The following PITPNM2 variants were observed in gnomAD, a reference collection of about 807,000 sequenced individuals.
PITPNM2 encodes the protein membrane-associated phosphatidylinositol transfer protein 2.
Under a neutral mutation model 132.2 loss-of-function variants are expected in PITPNM2, and 35 were observed. That is an observed-to-expected ratio of 0.26 (90% CI 0.20 to 0.35). The LOEUF (loss-of-function observed/expected upper bound fraction) is 0.35, where lower values mean the gene tolerates loss of function less well. PITPNM2 is among the 10% of genes least tolerant of loss of function. The pLI, the probability that PITPNM2 is intolerant of heterozygous loss-of-function variation, is 1.00. For missense variants in PITPNM2, 1,332 were observed against 1,912.0 expected, an observed-to-expected ratio of 0.70 and a Z score of 5.66; for synonymous variants, 738 against 799.2, an observed-to-expected ratio of 0.92 and a Z score of 1.29.
In PITPNM2 at chr12:122,995,447, T is replaced by C. The variant is rs755361804; in HGVS notation, c.1996A>G (p.Ser666Gly). ...TCCAGCTCGTAGGTGGATGAGTCGC[T>C]CCTCTTGCGGGGCAGTTGCCTTTTG... is the stretch of plus-strand genomic sequence containing the variant. The part of the protein sequence containing the change: ...DPKRQLPRKR[S>G]DSSTYELDTI... The change falls in exon 14 of 26, where the codon AGC becomes GGC. Residue 666 changes from serine to glycine, a missense_variant. Ser to Gly is a moderately conservative substitution (Grantham distance 56, BLOSUM62 0). Coordinates refer to ENST00000320201, the MANE Select transcript of PITPNM2 (RefSeq NM_020845.3). 1 of 1,613,830 alleles carries C rather than the reference T, an allele frequency of 6.2e-7. No individual in the cohort carries two copies. Among genetic ancestry groups the C allele is most frequent in the South Asian group, 1.1e-5 (1 of 91,056 alleles).
intron 1 of PITPNM2, among the ~76,000 whole-genome samples, chr12:123,130,090 A>T (rs2043230162): frequency 6.6e-6 from 1 of 152,070 alleles, no homozygotes; most frequent in Admixed American, 6.6e-5. Flanking sequence ...TTTTCTGCAG[A>T]GATGGGGTCT....
Position 122,992,159 on chromosome 12 carries a change from C to T in PITPNM2, c.2404+340G>A, listed in dbSNP as rs2038218593. Among the ~76,000 whole-genome samples the T allele has an allele frequency of 6.6e-6, 1 of 152,198 alleles. No homozygotes were observed. Among genetic ancestry groups the T allele is most frequent in the Non-Finnish European group, 1.5e-5 (1 of 68,024 alleles). On this transcript the variant is annotated intron_variant, in intron 16 of 25. Coordinates refer to ENST00000320201, the MANE Select transcript of PITPNM2 (RefSeq NM_020845.3). This position sits in a 1 kb window ranked among gnomAD's most constrained non-coding sequence, Gnocchi z 6.5. Reference sequence around the variant, plus strand: ...GCCCCCTACTAAGTGAGGGTCCCTGCTGGGTCCTTAGCTCTGTCTCTGTTG... The same window carrying T: ...GCCCCCTACTAAGTGAGGGTCCCTGTTGGGTCCTTAGCTCTGTCTCTGTTG...
intron 2 of PITPNM2, among the ~76,000 whole-genome samples, chr12:123,068,346 G>A (rs566330525): frequency 1.5e-4 from 23 of 152,150 alleles, no homozygotes; most frequent in African/African-American, 4.8e-4. Context: ...TACTTGGGAG[G>A]CTGAGGCAGG....
chr12:123,134,208 C>T (rs897852675), intron 1 of PITPNM2, among the ~76,000 whole-genome samples: 3 of 152,106 alleles, frequency 2.0e-5, no homozygotes, highest in South Asian at 2.1e-4. Flanking sequence ...GGACTACAGA[C>T]GCGTGCCACC....
chr12:122,997,507 G>A lies in PITPNM2; in HGVS notation c.1290C>T (p.His430=), dbSNP rs143865800. 2.2e-3 allele frequency: 3,481 copies of A among 1,613,402 alleles called. 31 individuals carry two copies. Among genetic ancestry groups the A allele is most frequent in the Middle Eastern group, 0.017 (102 of 6,062 alleles). Residue 430 remains histidine (H), a synonymous_variant, in exon 11 of 26, where the codon CAC becomes CAT. Coordinates refer to ENST00000320201, the MANE Select transcript of PITPNM2 (RefSeq NM_020845.3). The part of the protein sequence containing the change: ...SKIHVLLLVL[H]GGTILDTGAG... Reference sequence around the variant, plus strand: ...CGCCTGTGTCCAGGATGGTGCCTCCGTGCAGCACCAGTAGCAGCACGTGGA... The same window carrying A: ...CGCCTGTGTCCAGGATGGTGCCTCCATGCAGCACCAGTAGCAGCACGTGGA...
intron 3 of PITPNM2, among the ~76,000 whole-genome samples, chr12:123,024,806 T>C (rs2039795045): frequency 6.6e-6 from 1 of 152,142 alleles, no homozygotes; most frequent in South Asian, 2.1e-4. Context: ...AATAGAAATG[T>C]TCTAAAATTG....
chr12:123,110,882 A>G (rs960619097), intron 1 of PITPNM2, among the ~76,000 whole-genome samples: 1 of 152,190 alleles, frequency 6.6e-6, no homozygotes, highest in Admixed American at 6.5e-5. Context: ...GAGGCTGGAA[A>G]ATGAGGTAAT....
Position 122,984,975 on chromosome 12 carries a change from A to C in PITPNM2, c.*1052T>G, listed in dbSNP as rs953259895. The C allele has an allele frequency of 3.3e-5, 5 of 152,262 alleles. No individual in the cohort carries two copies. The highest frequency in any genetic ancestry group is 5.9e-5 in the Non-Finnish European group (4 of 68,016). 9.4% of individuals were successfully genotyped at this position (152,262 alleles called of 1,614,324 possible). ...TTCTTAGATTCGGCATGAAAACGGA[A>C]TTGGCATTAAAAAAACCGAAGTGTG... is the stretch of plus-strand genomic sequence containing the variant. On this transcript the variant is annotated 3_prime_UTR_variant, in exon 26 of 26. Transcript: ENST00000320201.
At position 123,111,158 on chromosome 12, in the gene PITPNM2, C is replaced by A. The variant is rs1490765830; in HGVS notation, c.-199-670G>T. ...TTCACAGGTACCACTGAAGCCACTA[C>A]CCAACCCAGGGCTCCTACAGGGACC... On this transcript the variant is annotated intron_variant, in intron 1 of 25. Coordinates refer to ENST00000320201, the MANE Select transcript of PITPNM2 (RefSeq NM_020845.3). The surrounding 1 kb of genome is among the most constrained non-coding windows in gnomAD (Gnocchi z 4.1). 6.6e-6 allele frequency among the ~76,000 whole-genome samples: 1 copy of A among 152,250 alleles called. No homozygotes were observed. The highest frequency in any genetic ancestry group is 1.5e-5 in the Non-Finnish European group (1 of 68,048).
In PITPNM2 at chr12:123,058,380, A is replaced by G. The variant is rs923306960; in HGVS notation, c.-95-23695T>C. 6.6e-6 allele frequency among the ~76,000 whole-genome samples: 1 copy of G among 152,160 alleles called. No homozygotes were observed. The highest frequency in any genetic ancestry group is 2.4e-5 in the African/African-American group (1 of 41,424). On this transcript the variant is annotated intron_variant, in intron 2 of 25. Transcript: ENST00000320201. The surrounding 1 kb of genome is among the most constrained non-coding windows in gnomAD (Gnocchi z 4.0). Reference sequence around the variant, plus strand: ...CACCAGCACTCCCTGGGTGTCAGAGACAGCCTTCTAATTGGCCTCTATGTT... The same window carrying G: ...CACCAGCACTCCCTGGGTGTCAGAGGCAGCCTTCTAATTGGCCTCTATGTT...
rs762008818 is a variant in PITPNM2, at chr12:123,013,962, G to T, written c.159C>A (p.Gly53=). 16 of 1,614,142 alleles carry T rather than the reference G, an allele frequency of 9.9e-6. No homozygotes were observed. The highest frequency in any genetic ancestry group is 4.5e-5 in the East Asian group (2 of 44,906). The change falls in exon 4 of 26, where the codon GGC becomes GGA. Residue 53 remains glycine (G), a synonymous_variant. Coordinates refer to ENST00000320201, the MANE Select transcript of PITPNM2 (RefSeq NM_020845.3). ...LENRPYTDGP[G]GSGQYTHKVY... is the part of the protein sequence containing the mutation. ...CCTTGTGTGTGTACTGCCCAGAGCC[G>T]CCTGGGCCATCTGTGTACGGCCGGT...
rs767371086 is a variant in PITPNM2 at position 123,034,640 on chromosome 12, TA to T, written c.-51del. 5 of 1,532,446 alleles carry T rather than the reference TA, an allele frequency of 3.3e-6. No individual in the cohort carries two copies. The African/African-American group carries it at 6.8e-5, about 21-fold the overall frequency. 94.9% of individuals were successfully genotyped at this position (1,532,446 alleles called of 1,614,324 possible). ...ATGGGGAACTGCAAGTTGGGACTTC[TA>T]GGCAAGGTTCCTTAAATAACCATGA... On this transcript the variant is annotated 5_prime_UTR_variant, in exon 3 of 26. Coordinates refer to ENST00000320201, the MANE Select transcript of PITPNM2 (RefSeq NM_020845.3).
intron 2 of PITPNM2, among the ~76,000 whole-genome samples, chr12:123,055,322 A>G (rs985188437): frequency 2.0e-5 from 3 of 152,176 alleles, no homozygotes; most frequent in Non-Finnish European, 4.4e-5. Context: ...CATCATGTGC[A>G]GACTCTTTCT....
intron 3 of PITPNM2, among the ~76,000 whole-genome samples, chr12:123,018,258 T>C (rs1284465240): frequency 6.8e-6 from 1 of 146,694 alleles, no homozygotes; most frequent in Admixed American, 7.1e-5. Context: ...AATTTAATAA[T>C]TTAATAATTT....
At chr12:123,074,621 AC>A (rs900701954) in intron 2 of PITPNM2, among the ~76,000 whole-genome samples, 5 of 151,626 alleles carry the variant, frequency 3.3e-5, no homozygotes, top group African/African-American at 9.7e-5. Flanking sequence ...CTACACATAC[AC>A]CCACCCACCC....
At chr12:123,102,724 A>G (rs1430327953) in intron 2 of PITPNM2, among the ~76,000 whole-genome samples, 1 of 152,232 alleles carries the variant, frequency 6.6e-6, no homozygotes, top group African/African-American at 2.4e-5. Flanking sequence ...ACACTAAAAA[A>G]GAAAAATACC....
chr12:123,056,604 A>T (rs1030876633), intron 2 of PITPNM2, among the ~76,000 whole-genome samples: 1 of 151,976 alleles, frequency 6.6e-6, no homozygotes, highest in Non-Finnish European at 1.5e-5. Context: ...CGAAGAGGGA[A>T]AGAGCTGAGC....
rs1209491866 is a variant in PITPNM2 at position 123,108,730 on chromosome 12, G to A, written c.-96+1655C>T. ...AGCAACTGAAAAGAATGAGCAATTA[G>A]AGAAGATAACAGTCCACGGTGCCAG... On this transcript the variant is annotated intron_variant, in intron 2 of 25. Coordinates refer to ENST00000320201, the MANE Select transcript of PITPNM2 (RefSeq NM_020845.3). This position sits in a 1 kb window ranked among gnomAD's most constrained non-coding sequence, Gnocchi z 4.4. Among the ~76,000 whole-genome samples the A allele has an allele frequency of 6.6e-6, 1 of 152,210 alleles. No homozygotes were observed. The highest frequency in any genetic ancestry group is 1.9e-4 in the East Asian group (1 of 5,202).
chr12:123,100,509 C>T (rs1487371146), intron 2 of PITPNM2, among the ~76,000 whole-genome samples: 1 of 152,028 alleles, frequency 6.6e-6, no homozygotes, highest in African/African-American at 2.4e-5. Flanking sequence ...GTCTATAATC[C>T]CAGCTACTCA....
Sources: allele counts gnomAD v4.1 joint callset (sites outside exome capture counted in the v4.1 genomes callset), GRCh38; gene constraint gnomAD v4.1.1; non-coding constraint Gnocchi (gnomAD v3.1); transcripts MANE v1.5; gene names NCBI Gene and HGNC (gene_info 2026-07-23, HGNC 2026-07-21).